Variants in PCED1B observed in about 807,000 individuals in gnomAD.
PCED1B encodes PC-esterase domain containing 1B.
For missense variants in PCED1B, 573 were observed against 573.9 expected (o/e 1.00, Z 0.02); for synonymous variants, 251 against 246.1 (o/e 1.02, Z -0.19).
intron 2 of PCED1B, among the ~76,000 whole-genome samples, chr12:47,124,349 A>G (rs1939800725): frequency 6.6e-6 from 1 of 152,000 alleles, no homozygotes; most frequent in Non-Finnish European, 1.5e-5. Flanking sequence ...ATGTATCAAT[A>G]GTTACTCCTT....
chr12:47,150,010 C>G (rs1940932031), intron 2 of PCED1B, among the ~76,000 whole-genome samples: 1 of 152,126 alleles, frequency 6.6e-6, no homozygotes, highest in African/African-American at 2.4e-5. Context: ...ATTAAGTCAA[C>G]AAATGTTTGG....
chr12:47,185,261 TA>T (rs1942218008), intron 2 of PCED1B, among the ~76,000 whole-genome samples: 1 of 152,118 alleles, frequency 6.6e-6, no homozygotes, highest in Admixed American at 6.6e-5. Flanking sequence ...GGGTGGGCCC[TA>T]ATCCAATAAC....
Position 47,129,311 on chromosome 12 carries a change from A to T in PCED1B, c.-526+25116A>T, listed in dbSNP as rs181116949. 4.1e-3 allele frequency among the ~76,000 whole-genome samples: 622 copies of T among 152,162 alleles called. 4 individuals carry two copies. The highest frequency in any genetic ancestry group is 0.027 in the Middle Eastern group (8 of 294). Reference sequence around the variant, plus strand: ...AACATGGTGAAACCCTGTCTCCATGAAAAATATAAAAATTAGCCAGGTGTG... The same window carrying T: ...AACATGGTGAAACCCTGTCTCCATGTAAAATATAAAAATTAGCCAGGTGTG... On this transcript the variant is annotated intron_variant, in intron 2 of 3. Coordinates refer to ENST00000546455, the MANE Select transcript of PCED1B (RefSeq NM_138371.3).
chr12:47,158,337 A>G (rs1481426655), intron 2 of PCED1B, among the ~76,000 whole-genome samples: 1 of 152,194 alleles, frequency 6.6e-6, no homozygotes, highest in Admixed American at 6.5e-5. Flanking sequence ...TGTTTTTTAC[A>G]GTAGCCATCC....
chr12:47,195,100 G>A (rs1942561552), intron 2 of PCED1B, among the ~76,000 whole-genome samples: 1 of 152,162 alleles, frequency 6.6e-6, no homozygotes, highest in African/African-American at 2.4e-5. Flanking sequence ...GGAGGCGGAG[G>A]CGGGTGGATC....
chr12:47,127,297 G>C (rs747839719), intron 2 of PCED1B, among the ~76,000 whole-genome samples: 1 of 151,572 alleles, frequency 6.6e-6, no homozygotes, highest in Non-Finnish European at 1.5e-5. Context: ...TATTACCCAG[G>C]GGATGTTTAG....
At chr12:47,145,090 A>G (rs964280175) in intron 2 of PCED1B, among the ~76,000 whole-genome samples, 6 of 152,250 alleles carry the variant, frequency 3.9e-5, no homozygotes, top group Admixed American at 3.9e-4. Context: ...TTCAGTGAAC[A>G]TACAAACGAT....
rs1292085211 is a variant in PCED1B, at chr12:47,217,470, G to GAGGAAAGAAAGAAAGAA, written c.-58+783_-58+784insGAAAGAAAGAAAGAAAG. Among the ~76,000 whole-genome samples, 40 of 90,920 alleles carry GAGGAAAGAAAGAAAGAA rather than the reference G, an allele frequency of 4.4e-4. 3 individuals carry two copies. The highest frequency in any genetic ancestry group is 1.9e-3 in the African/African-American group (39 of 20,148). 59.6% of individuals were successfully genotyped at this position (90,920 alleles called of 152,430 possible). A position where few individuals can be genotyped will look rare whatever the true frequency, so the allele number is the denominator to read the frequency against. ...AAAGAAAGAAAGAAAAAGAAAGAAA[G>GAGGAAAGAAAGAAAGAA]AGAAAGAAAGAAAGAAAGAAAGAAA... On this transcript the variant is annotated intron_variant, in intron 3 of 3. Coordinates refer to ENST00000546455, the MANE Select transcript of PCED1B (RefSeq NM_138371.3).
intron 2 of PCED1B, among the ~76,000 whole-genome samples, chr12:47,181,636 G>A (rs1389797293): frequency 6.6e-6 from 1 of 151,678 alleles, no homozygotes; most frequent in Non-Finnish European, 1.5e-5. Flanking sequence ...CAAAGTGCTG[G>A]GATTACAGGC....
At chr12:47,119,255 G>A (rs1347780375) in intron 2 of PCED1B, among the ~76,000 whole-genome samples, 1 of 151,968 alleles carries the variant, frequency 6.6e-6, no homozygotes, top group Non-Finnish European at 1.5e-5. Flanking sequence ...ATAGATCAAA[G>A]GCCTAAACTT....
intron 2 of PCED1B, among the ~76,000 whole-genome samples, chr12:47,109,251 C>A (rs998541563): frequency 6.6e-5 from 10 of 152,206 alleles, no homozygotes; most frequent in African/African-American, 2.4e-4. Flanking sequence ...TTGCAACTTT[C>A]AGCAAACCAC....
chr12:47,106,761 A>C (rs1200086871), intron 2 of PCED1B, among the ~76,000 whole-genome samples: 2 of 152,112 alleles, frequency 1.3e-5, no homozygotes. Context: ...CTCCTGTTAG[A>C]GCATGTTCTT....
intron 1 of PCED1B, among the ~76,000 whole-genome samples, chr12:47,098,532 G>A (rs1565745326): frequency 6.6e-6 from 1 of 152,136 alleles, no homozygotes; most frequent in African/African-American, 2.4e-5. Context: ...GCCCAGGCTG[G>A]AGTGCAGTGG....
chr12:47,094,900 CT>C lies in PCED1B; in HGVS notation c.-608-9199del, dbSNP rs59157160. Among the ~76,000 whole-genome samples, 215 of 140,046 alleles carry C rather than the reference CT, an allele frequency of 1.5e-3. 1 individual carries two copies. Among genetic ancestry groups the C allele is most frequent in the Middle Eastern group, 0.011 (3 of 270 alleles). 91.9% of individuals were successfully genotyped at this position (140,046 alleles called of 152,430 possible). A position where few individuals can be genotyped will look rare whatever the true frequency, so the allele number is the denominator to read the frequency against. ...TTCTCTTTTCTTTCTCTCTCTCTTTCTTTTTTTTTTTTTTCTTTTTTGAGGC... is the reference window on the plus strand; with the variant it reads ...TTCTCTTTTCTTTCTCTCTCTCTTTCTTTTTTTTTTTTTCTTTTTTGAGGC... On this transcript the variant is annotated intron_variant, in intron 1 of 3. Coordinates refer to ENST00000546455, the MANE Select transcript of PCED1B (RefSeq NM_138371.3).
At chr12:47,084,534 TGGA>T (rs1000512551) in intron 1 of PCED1B, among the ~76,000 whole-genome samples, 2 of 152,238 alleles carry the variant, frequency 1.3e-5, no homozygotes, top group Non-Finnish European at 2.9e-5. Context: ...TTGCCTATTC[TGGA>T]CATTTTATAT....
At chr12:47,192,352 T>C (rs983798674) in intron 2 of PCED1B, among the ~76,000 whole-genome samples, 9 of 152,124 alleles carry the variant, frequency 5.9e-5, no homozygotes, top group Non-Finnish European at 1.0e-4. Context: ...AAGAAAAATA[T>C]GTAGCCTGGA....
At chr12:47,112,735 T>TA (rs1303075059) in intron 2 of PCED1B, among the ~76,000 whole-genome samples, 1 of 152,240 alleles carries the variant, frequency 6.6e-6, no homozygotes, top group African/African-American at 2.4e-5. Flanking sequence ...GTAATAGACA[T>TA]AGTACCTGCC....
intron 2 of PCED1B, among the ~76,000 whole-genome samples, chr12:47,124,685 CT>C (rs1253834135): frequency 4.6e-5 from 7 of 151,852 alleles, no homozygotes; most frequent in Non-Finnish European, 7.4e-5. Flanking sequence ...CTAACCAGCA[CT>C]TGTTATGATC....
At chr12:47,090,552 C>A (rs1274079867) in intron 1 of PCED1B, among the ~76,000 whole-genome samples, 1 of 152,112 alleles carries the variant, frequency 6.6e-6, no homozygotes, top group African/African-American at 2.4e-5. Flanking sequence ...GTAACCATCA[C>A]CCAAATCAAG....
Sources: allele counts gnomAD v4.1 joint callset (sites outside exome capture counted in the v4.1 genomes callset), GRCh38; gene constraint gnomAD v4.1.1; transcripts MANE v1.5; gene names NCBI Gene and HGNC (gene_info 2026-07-23, HGNC 2026-07-21).